Variants in PREP observed in about 807,000 individuals in gnomAD.
PREP encodes dJ355L5.1 (prolyl endopeptidase).
PREP carries 29 observed loss-of-function variants against 87.6 expected under a neutral mutation model. That is an observed-to-expected ratio of 0.33 (90% CI 0.25 to 0.45). The LOEUF (loss-of-function observed/expected upper bound fraction) is 0.45. PREP is among the 20% of genes least tolerant of loss of function. The pLI, the probability that PREP is intolerant of heterozygous loss-of-function variation, is 1.00. For missense variants in PREP, 695 were observed against 886.5 expected (o/e 0.78, Z 2.74); for synonymous variants, 337 against 328.6 (o/e 1.03, Z -0.28).
intron 2 of PREP, among the ~76,000 whole-genome samples, chr6:105,386,130 G>GAA (rs1485039012): frequency 6.6e-6 from 1 of 151,942 alleles, no homozygotes; most frequent in Non-Finnish European, 1.5e-5. Context: ...AAGAAAGAAA[G>GAA]AAAAAAACCA....
At chr6:105,357,913 G>GC (rs1448863807) in intron 6 of PREP, among the ~76,000 whole-genome samples, 3 of 138,398 alleles carry the variant, frequency 2.2e-5, no homozygotes, top group African/African-American at 7.9e-5. Flanking sequence ...CAACAATACT[G>GC]TTTTTTTTTT....
chr6:105,368,816 C>A, intron 6 of PREP, 87 bp downstream of exon 6: 1 of 1,487,578 alleles, frequency 6.7e-7, no homozygotes, highest in Non-Finnish European at 9.2e-7. Context: ...TTCTGCCATC[C>A]ATAAAGGTCA....
At chr6:105,323,791 G>C in intron 9 of PREP, 23 bp from the exon 10 acceptor site, 2 of 1,577,300 alleles carry the variant, frequency 1.3e-6, no homozygotes, top group Admixed American at 3.3e-5. Flanking sequence ...ATAAGGCTTG[G>C]TTTAGTCTAC....
intron 7 of PREP, among the ~76,000 whole-genome samples, chr6:105,341,032 A>C (rs1249820097): frequency 6.6e-6 from 1 of 152,218 alleles, no homozygotes; most frequent in East Asian, 1.9e-4. Context: ...GCTCTGCACT[A>C]AACAGACCTA....
chr6:105,390,585 T>C (rs957410453), intron 2 of PREP, among the ~76,000 whole-genome samples: 3 of 152,140 alleles, frequency 2.0e-5, no homozygotes, highest in Non-Finnish European at 2.9e-5. Context: ...CCTTGAAAGG[T>C]GTAAATTTTT....
At chr6:105,348,272 C>T (rs930801624) in intron 7 of PREP, among the ~76,000 whole-genome samples, 19 of 152,012 alleles carry the variant, frequency 1.2e-4, no homozygotes, top group African/African-American at 4.4e-4. Context: ...TTTAGGAAGC[C>T]ACAGGGATAA....
rs1269353795 is a variant in PREP at position 105,274,542 on chromosome 6, G to A, written c.*3602C>T. The stretch of plus-strand genomic sequence containing the variant: ...GCATTTTGGGAGGCTGAGGTGGGTG[G>A]ATCACCTGAGGTCAGGAGTTCAAGA... On this transcript the variant is annotated 3_prime_UTR_variant, in exon 15 of 15. Coordinates refer to ENST00000652536, the MANE Select transcript of PREP (RefSeq NM_002726.5). 1.3e-5 allele frequency among the ~76,000 whole-genome samples: 2 copies of A among 152,168 alleles called. No individual in the cohort carries two copies. The highest frequency in any genetic ancestry group is 4.8e-5 in the African/African-American group (2 of 41,428).
intron 7 of PREP, among the ~76,000 whole-genome samples, chr6:105,341,479 T>C (rs1389653214): frequency 2.0e-5 from 3 of 151,970 alleles, no homozygotes; most frequent in African/African-American, 7.3e-5. Context: ...TTAAAAGAAC[T>C]AGAGAAGCTA....
At chr6:105,319,309 G>A (rs1463896806) in intron 10 of PREP, among the ~76,000 whole-genome samples, 1 of 152,056 alleles carries the variant, frequency 6.6e-6, no homozygotes, top group Non-Finnish European at 1.5e-5. Flanking sequence ...TAAAATATGA[G>A]TACTTGGATT....
chr6:105,352,345 C>T (rs371658810), intron 7 of PREP, among the ~76,000 whole-genome samples: 87 of 152,200 alleles, frequency 5.7e-4, no homozygotes, highest in African/African-American at 1.9e-3. Context: ...AATAAGCCAT[C>T]TCCAGAATTT....
intron 5 of PREP, among the ~76,000 whole-genome samples, chr6:105,370,410 G>C (rs7772423): frequency 0.12 from 17,585 of 151,968 alleles, 1,451 homozygotes; most frequent in African/African-American, 0.23. Context: ...GGAACAAGAG[G>C]AACTCTCATT....
intron 10 of PREP, among the ~76,000 whole-genome samples, chr6:105,300,381 A>T (rs1486587062): frequency 6.6e-6 from 1 of 152,176 alleles, no homozygotes; most frequent in African/African-American, 2.4e-5. Context: ...AAATCCCACT[A>T]TATCTTGCCA....
intron 9 of PREP, 144 bp from the exon 10 acceptor site, chr6:105,323,912 G>C (rs536780060): frequency 9.9e-6 from 7 of 705,018 alleles, no homozygotes; most frequent in Non-Finnish European, 1.7e-5. Context: ...CACAGTCGAA[G>C]GCTCACTGCA....
intron 10 of PREP, chr6:105,302,698 T>C (rs1583043939): frequency 9.9e-6 from 5 of 505,978 alleles, no homozygotes; most frequent in Non-Finnish European, 1.9e-5. Flanking sequence ...CTTAGAGAGC[T>C]TGGAGACCGC....
chr6:105,316,069 A>G (rs1770858483), intron 10 of PREP, among the ~76,000 whole-genome samples: 1 of 152,086 alleles, frequency 6.6e-6, no homozygotes, highest in Non-Finnish European at 1.5e-5. Context: ...TCTTTCAAGA[A>G]CTTTTCCTTT....
In PREP at chr6:105,340,426, C is replaced by T. The variant is rs182861483; in HGVS notation, c.824-6921G>A. Among the ~76,000 whole-genome samples the T allele has an allele frequency of 3.4e-3, 512 of 152,280 alleles. 1 individual carries two copies. Among genetic ancestry groups the T allele is most frequent in the African/African-American group, 0.012 (500 of 41,546 alleles). ...ATGGAAAGGAACAACCGGTACCAGACACTGCAAAAACATGCCAAATTGTAA... is the reference window on the plus strand; with the variant it reads ...ATGGAAAGGAACAACCGGTACCAGATACTGCAAAAACATGCCAAATTGTAA... On this transcript the variant is annotated intron_variant, in intron 7 of 14. Coordinates refer to ENST00000652536, the MANE Select transcript of PREP (RefSeq NM_002726.5).
intron 10 of PREP, chr6:105,323,248 C>G (rs1771061045): frequency 8.3e-6 from 6 of 723,378 alleles, no homozygotes; most frequent in Non-Finnish European, 1.3e-5. Context: ...CAGAAATGCA[C>G]ATGAACTTCA....
In PREP at chr6:105,277,937, C is replaced by T; in HGVS notation, c.*207G>A. On this transcript the variant is annotated 3_prime_UTR_variant, in exon 15 of 15. Coordinates refer to ENST00000652536, the MANE Select transcript of PREP (RefSeq NM_002726.5). ...CACCAAAAAACCACATGTGCCTAGA[C>T]AGGGTGGAAAAAGAAACACCAAGGC... 1.4e-6 allele frequency: 1 copy of T among 712,004 alleles called. No individual in the cohort carries two copies. Among genetic ancestry groups the T allele is most frequent in the Non-Finnish European group, 2.3e-6 (1 of 434,518 alleles). 44.1% of individuals were successfully genotyped at this position (712,004 alleles called of 1,614,324 possible). A position where few individuals can be genotyped will look rare whatever the true frequency, so the allele number is the denominator to read the frequency against.
chr6:105,396,785 CTAAG>C (rs925633770), intron 2 of PREP, among the ~76,000 whole-genome samples: 1 of 151,736 alleles, frequency 6.6e-6, no homozygotes, highest in Non-Finnish European at 1.5e-5. Flanking sequence ...CAAATATGTA[CTAAG>C]TATTATGTAC....
Sources: gnomAD v4.1 joint callset for allele counts (sites outside exome capture counted in the v4.1 genomes callset) on GRCh38, gnomAD v4.1.1 for gene constraint, MANE v1.5 for transcripts, NCBI Gene and HGNC (gene_info 2026-07-23, HGNC 2026-07-21) for gene names.